Variants in LPP observed in about 807,000 individuals in gnomAD.
LPP encodes the protein LIM domain containing preferred translocation partner in lipoma, also known as lipoma-preferred partner.
A neutral mutation model predicts 60.4 loss-of-function variants in LPP; 38 were observed. That is an observed-to-expected ratio of 0.63 (90% CI 0.49 to 0.83). The LOEUF is 0.83. Ranked by LOEUF, LPP falls within the 40% of genes least tolerant of loss-of-function variation. LPP has a pLI of 0.00. For missense variants in LPP, 902 were observed against 783.6 expected, an observed-to-expected ratio of 1.15 and a Z score of -1.80; for synonymous variants, 328 against 290.8, an observed-to-expected ratio of 1.13 and a Z score of -1.30.
chr3:188,425,579 G>T (rs948400390), intron 4 of LPP, among the ~76,000 whole-genome samples: 2 of 152,042 alleles, frequency 1.3e-5, no homozygotes, highest in Non-Finnish European at 2.9e-5. Context: ...TTCTGGTCCT[G>T]GGCTTTTTTT....
At chr3:188,344,488 C>T (rs1271195674) in intron 3 of LPP, among the ~76,000 whole-genome samples, 2 of 152,154 alleles carry the variant, frequency 1.3e-5, no homozygotes, top group African/African-American at 2.4e-5. Context: ...AAGTCACCTT[C>T]CCTCTATGAG....
chr3:188,574,885 TTCTG>T (rs1218251855), intron 6 of LPP, among the ~76,000 whole-genome samples: 5 of 152,154 alleles, frequency 3.3e-5, no homozygotes, highest in African/African-American at 7.2e-5. Context: ...CTCACTTTTT[TTCTG>T]TCTTTTTTTT....
intron 5 of LPP, among the ~76,000 whole-genome samples, chr3:188,519,239 G>A (rs1372686732): frequency 1.3e-5 from 2 of 152,126 alleles, no homozygotes; most frequent in Non-Finnish European, 2.9e-5. Context: ...CCAAGCATGG[G>A]CCAAACTGAC....
chr3:188,355,271 T>A, intron 3 of LPP, among the ~76,000 whole-genome samples: 1 of 152,128 alleles, frequency 6.6e-6, no homozygotes, highest in East Asian at 1.9e-4. Context: ...CCTCCCAAAG[T>A]GCTGGGATTA....
intron 4 of LPP, among the ~76,000 whole-genome samples, chr3:188,409,673 A>C (rs1784449443): frequency 6.6e-6 from 1 of 152,086 alleles, no homozygotes; most frequent in Non-Finnish European, 1.5e-5. Context: ...TATGCTCTGT[A>C]TTGCCTCAGC....
chr3:188,478,639 A>G (rs1280923127), intron 4 of LPP, among the ~76,000 whole-genome samples: 1 of 152,144 alleles, frequency 6.6e-6, no homozygotes, highest in African/African-American at 2.4e-5. Context: ...GCCTTGCCTG[A>G]AATAAAGGGT....
chr3:188,808,724 G>A lies in LPP; in HGVS notation c.1410+48442G>A, dbSNP rs1749954235. ...ATACATGTGCAGAACATGCAGGTTT[G>A]TTACACAGGTATATGTGTGCCCTGG... On this transcript the variant is annotated intron_variant, in intron 9 of 11. Coordinates refer to ENST00000617246, the MANE Select transcript of LPP (RefSeq NM_001375462.1). 2.0e-5 allele frequency among the ~76,000 whole-genome samples: 3 copies of A among 152,078 alleles called. No individual in the cohort carries two copies. The South Asian group carries it at 6.2e-4, about 32-fold the overall frequency.
intron 4 of LPP, among the ~76,000 whole-genome samples, chr3:188,407,535 C>A (rs757473266): frequency 8.5e-5 from 13 of 152,162 alleles, no homozygotes; most frequent in Non-Finnish European, 1.6e-4. Context: ...CAGAAAGCTG[C>A]TCTTGAAAAA....
At chr3:188,573,001 T>C (rs1401016857) in intron 6 of LPP, among the ~76,000 whole-genome samples, 2 of 152,132 alleles carry the variant, frequency 1.3e-5, no homozygotes, top group East Asian at 3.9e-4. Context: ...TACCTAGCCA[T>C]AGGGTTGCCA....
At chr3:188,384,408 C>T (rs1186738636) in intron 3 of LPP, among the ~76,000 whole-genome samples, 1 of 151,342 alleles carries the variant, frequency 6.6e-6, no homozygotes, top group African/African-American at 2.4e-5. Flanking sequence ...ATAATGGGGA[C>T]AGAATCACTT....
intron 3 of LPP, among the ~76,000 whole-genome samples, chr3:188,373,374 T>C (rs931619668): frequency 2.0e-5 from 3 of 152,216 alleles, no homozygotes; most frequent in Admixed American, 2.0e-4. Context: ...ACCTGTTGTT[T>C]CCTGACTTTT....
At chr3:188,447,349 C>T (rs1206533683) in intron 4 of LPP, among the ~76,000 whole-genome samples, 4 of 152,094 alleles carry the variant, frequency 2.6e-5, no homozygotes, top group African/African-American at 7.2e-5. Context: ...TGGTGGCTCA[C>T]GCCTGTAATC....
chr3:188,616,958 A>C (rs1269206238), intron 7 of LPP, among the ~76,000 whole-genome samples: 1 of 152,200 alleles, frequency 6.6e-6, no homozygotes. Context: ...TAAATGTAAT[A>C]GTTGTACTAG....
At chr3:188,178,458 CTGTT>C (rs1224992260) in intron 1 of LPP, 3 of 152,242 alleles carry the variant, frequency 2.0e-5, no homozygotes, top group Non-Finnish European at 4.4e-5. Flanking sequence ...CTTGGAATCT[CTGTT>C]TGTTCACATC....
chr3:188,155,665 G>A (rs1287363723), intron 1 of LPP, among the ~76,000 whole-genome samples: 3 of 152,138 alleles, frequency 2.0e-5, no homozygotes, highest in Admixed American at 6.5e-5. Flanking sequence ...TCTCCACTTC[G>A]TCACCAGTTT....
At chr3:188,560,926 A>G (rs1830525787) in intron 6 of LPP, among the ~76,000 whole-genome samples, 1 of 152,100 alleles carries the variant, frequency 6.6e-6, no homozygotes, top group Admixed American at 6.6e-5. Flanking sequence ...AGATGAGGAA[A>G]CAGGATGGGA....
intron 4 of LPP, among the ~76,000 whole-genome samples, chr3:188,477,813 A>G (rs879569297): frequency 2.6e-5 from 4 of 152,242 alleles, no homozygotes; most frequent in Non-Finnish European, 4.4e-5. Flanking sequence ...GACTCCATTT[A>G]AAAGATAGTC....
At chr3:188,796,302 C>T (rs1033567592) in intron 9 of LPP, among the ~76,000 whole-genome samples, 5 of 152,142 alleles carry the variant, frequency 3.3e-5, no homozygotes, top group African/African-American at 9.7e-5. Context: ...GTGGTCAGAG[C>T]TCAGAGACTG....
intron 2 of LPP, among the ~76,000 whole-genome samples, chr3:188,321,124 C>T (rs1213448236): frequency 6.6e-6 from 1 of 152,178 alleles, no homozygotes; most frequent in Admixed American, 6.5e-5. Flanking sequence ...AGAACTGGGT[C>T]TGCCTGTGGG....
Sources: gnomAD v4.1 joint callset for allele counts (sites outside exome capture counted in the v4.1 genomes callset) on GRCh38, gnomAD v4.1.1 for gene constraint, MANE v1.5 for transcripts, NCBI Gene and HGNC (gene_info 2026-07-23, HGNC 2026-07-21) for gene names.